The following FMNL2 variants were observed in gnomAD, a reference collection of about 807,000 sequenced individuals.
FMNL2 encodes formin-like protein 2.
Under a neutral mutation model 130.2 loss-of-function variants are expected in FMNL2, and 51 were observed. The observed-to-expected ratio is 0.39, with a 90% CI of 0.31 to 0.49. The LOEUF is 0.49. Ranked by LOEUF, FMNL2 falls within the 20% of genes least tolerant of loss-of-function variation. The pLI is 0.85. For synonymous variants in FMNL2, 465 were observed against 467.1 expected (o/e 1.00, Z 0.06); for missense variants, 977 against 1,316.2 (o/e 0.74, Z 3.99).
At chr2:152,534,410 G>T (rs1693872855) in intron 2 of FMNL2, among the ~76,000 whole-genome samples, 1 of 152,148 alleles carries the variant, frequency 6.6e-6, no homozygotes, top group Non-Finnish European at 1.5e-5. Flanking sequence ...TGAGGCCAAT[G>T]GAGTTTCAGA....
chr2:152,643,450 C>T (rs1395698536), intron 25 of FMNL2: 56 of 1,536,000 alleles, frequency 3.6e-5, no homozygotes, highest in Non-Finnish European at 4.3e-5. Flanking sequence ...CTGCTCGCAC[C>T]GCCAAGCGTG....
At chr2:152,555,719 T>C (rs1008372697) in intron 4 of FMNL2, among the ~76,000 whole-genome samples, 11 of 152,336 alleles carry the variant, frequency 7.2e-5, no homozygotes, top group African/African-American at 2.6e-4. Flanking sequence ...GTACAGCATA[T>C]GGTAATTACA....
rs2105530327 is a variant in FMNL2 at position 152,549,238 on chromosome 2, GT to G, written c.359+142del. ...GGTTTTAGTAGATGAAACCTTGTTA[GT>G]ACTCAAATTACTTACTGCCCAAGAA... On this transcript the variant is annotated intron_variant, in intron 4 of 25. Coordinates refer to ENST00000288670, the MANE Select transcript of FMNL2 (RefSeq NM_052905.4). 1.2e-5 allele frequency: 6 copies of G among 517,882 alleles called. No individual in the cohort carries two copies. In the South Asian group the frequency reaches 1.9e-4, roughly 16 times the overall value. 32.1% of individuals were successfully genotyped at this position (517,882 alleles called of 1,614,324 possible). A position where few individuals can be genotyped will look rare whatever the true frequency, so the allele number is the denominator to read the frequency against.
rs951010804 is a variant in FMNL2 at position 152,649,485 on chromosome 2, G to A, written c.*1580G>A. 3 of 152,472 alleles carry A rather than the reference G, an allele frequency of 2.0e-5. No individual in the cohort carries two copies. Among genetic ancestry groups the A allele is most frequent in the East Asian group, 1.9e-4 (1 of 5,172 alleles). The allele number at this position is 152,472 out of a possible 1,614,324, so 9.4% of individuals were successfully genotyped here. Reference sequence around the variant, plus strand: ...ACAGAAAGATTAAACTGCCACCTGCGGGCACATTCCCATAAATGTGTACTT... The same window carrying A: ...ACAGAAAGATTAAACTGCCACCTGCAGGCACATTCCCATAAATGTGTACTT... On this transcript the variant is annotated 3_prime_UTR_variant, in exon 26 of 26. Transcript: ENST00000288670.
At position 152,581,101 on chromosome 2, in the gene FMNL2, C is replaced by T. The variant is rs183566483; in HGVS notation, c.876+52C>T. Reference sequence around the variant, plus strand: ...AATACTCACACATCTTACATTTGGACATCTTTGAACGGAATTATTTACCTT... The same window carrying T: ...AATACTCACACATCTTACATTTGGATATCTTTGAACGGAATTATTTACCTT... On this transcript the variant is annotated intron_variant, in intron 9 of 25. Coordinates refer to ENST00000288670, the MANE Select transcript of FMNL2 (RefSeq NM_052905.4). 49 of 1,482,206 alleles carry T rather than the reference C, an allele frequency of 3.3e-5. No homozygotes were observed. The African/African-American group carries it at 3.8e-4, about 11-fold the overall frequency. 91.8% of individuals were successfully genotyped at this position (1,482,206 alleles called of 1,614,324 possible). A position where few individuals can be genotyped will look rare whatever the true frequency, so the allele number is the denominator to read the frequency against.
At chr2:152,420,431 C>T (rs1686848144) in intron 1 of FMNL2, among the ~76,000 whole-genome samples, 1 of 152,150 alleles carries the variant, frequency 6.6e-6, no homozygotes, top group South Asian at 2.1e-4. Context: ...CTAGTAACTG[C>T]TTTTTGAACC....
At chr2:152,635,693 G>A (rs1240696220) in intron 21 of FMNL2, among the ~76,000 whole-genome samples, 2 of 152,226 alleles carry the variant, frequency 1.3e-5, no homozygotes, top group Non-Finnish European at 2.9e-5. Context: ...TAAAGAAGCT[G>A]CTCAGGAGGC....
chr2:152,522,162 A>G, intron 2 of FMNL2, 136 bp downstream of exon 2: 2 of 697,628 alleles, frequency 2.9e-6, no homozygotes, highest in Non-Finnish European at 2.4e-6. Flanking sequence ...AAAAGAAGAG[A>G]ACTTCAGAGA....
chr2:152,365,690 T>C (rs1373324682), intron 1 of FMNL2, among the ~76,000 whole-genome samples: 1 of 152,014 alleles, frequency 6.6e-6, no homozygotes, highest in Non-Finnish European at 1.5e-5. Context: ...GGAGAATCGC[T>C]TGAACCCGGG....
intron 1 of FMNL2, among the ~76,000 whole-genome samples, chr2:152,483,898 C>G (rs1690671132): frequency 6.6e-6 from 1 of 152,234 alleles, no homozygotes; most frequent in Non-Finnish European, 1.5e-5. Context: ...ACCCAAACAA[C>G]CTATGATCCA....
intron 1 of FMNL2, chr2:152,390,126 C>T: frequency 7.6e-7 from 1 of 1,319,414 alleles, no homozygotes; most frequent in Admixed American, 1.7e-5. Flanking sequence ...GAAGCCCAAC[C>T]TAGGCAACGG....
intron 1 of FMNL2, among the ~76,000 whole-genome samples, chr2:152,368,736 A>T (rs1161249365): frequency 6.6e-6 from 1 of 152,216 alleles, no homozygotes; most frequent in Non-Finnish European, 1.5e-5. Context: ...GAGACTATTA[A>T]AAGTCACTCA....
At chr2:152,385,719 T>G (rs761857357) in intron 1 of FMNL2, among the ~76,000 whole-genome samples, 2 of 152,210 alleles carry the variant, frequency 1.3e-5, no homozygotes, top group Non-Finnish European at 2.9e-5. Flanking sequence ...GTGTACTGCT[T>G]TCTACTATTA....
intron 25 of FMNL2, among the ~76,000 whole-genome samples, chr2:152,646,462 C>T (rs1206780977): frequency 6.6e-6 from 1 of 152,160 alleles, no homozygotes; most frequent in African/African-American, 2.4e-5. Context: ...GCTCCAACTT[C>T]TTTTTGCTGT....
chr2:152,544,867 C>T (rs572318526), intron 3 of FMNL2, among the ~76,000 whole-genome samples: 2 of 152,258 alleles, frequency 1.3e-5, no homozygotes, highest in East Asian at 3.9e-4. Flanking sequence ...TCAGCTGTTT[C>T]TGGGTTTAGG....
chr2:152,614,995 T>A lies in FMNL2; in HGVS notation c.1207T>A (p.Ser403Thr). Residue 403 changes from serine (S) to threonine (T), a missense_variant, in exon 12 of 26, where the codon TCT becomes ACT. Physicochemically the swap from Ser to Thr is moderately conservative, Grantham distance 58. Coordinates refer to ENST00000288670, the MANE Select transcript of FMNL2 (RefSeq NM_052905.4). ...GGTGGAAGAACTGGAAGAAAACATT[T>A]CTCATGTAACTATATCTCAGAAAAG... ...ERVEELEENI[S>T]HLSEKLQDTE... 1.9e-6 allele frequency: 3 copies of A among 1,610,554 alleles called. No individual in the cohort carries two copies. The highest frequency in any genetic ancestry group is 2.2e-5 in the South Asian group (2 of 90,362).
intron 1 of FMNL2, among the ~76,000 whole-genome samples, chr2:152,358,355 A>C (rs183308269): frequency 7.0e-4 from 107 of 152,202 alleles, no homozygotes; most frequent in African/African-American, 2.4e-3. Flanking sequence ...CTGTGAGTCA[A>C]TTCTGCTAAT....
intron 1 of FMNL2, among the ~76,000 whole-genome samples, chr2:152,345,303 G>T (rs567060908): frequency 1.6e-4 from 24 of 152,280 alleles, no homozygotes; most frequent in African/African-American, 5.5e-4. Context: ...GTGGCAGAAA[G>T]ATTGAAAATA....
chr2:152,354,299 G>A (rs1682668668), intron 1 of FMNL2, among the ~76,000 whole-genome samples: 1 of 152,038 alleles, frequency 6.6e-6, no homozygotes, highest in East Asian at 1.9e-4. Context: ...TGGAATGGAT[G>A]GAGTCATTTG....
Sources: gnomAD v4.1 joint callset for allele counts (sites outside exome capture counted in the v4.1 genomes callset) on GRCh38, gnomAD v4.1.1 for gene constraint, MANE v1.5 for transcripts, NCBI Gene and HGNC (gene_info 2026-07-23, HGNC 2026-07-21) for gene names.